Variants in AP4E1 observed in about 807,000 individuals in gnomAD.
AP4E1 encodes the protein AP-4 complex subunit epsilon-1.
Under a neutral mutation model 128.2 loss-of-function variants are expected in AP4E1, and 56 were observed. The observed-to-expected ratio is 0.44, with a 90% CI of 0.35 to 0.55. The LOEUF (loss-of-function observed/expected upper bound fraction) is 0.55, where lower values mean the gene tolerates loss of function less well. AP4E1 is among the 20% of genes least tolerant of loss of function. AP4E1 has a pLI of 0.00. For missense variants in AP4E1, 1,324 were observed against 1,307.7 expected (o/e 1.01, Z -0.19); for synonymous variants, 484 against 473.1 (o/e 1.02, Z -0.30).
intron 20 of AP4E1, among the ~76,000 whole-genome samples, chr15:51,001,510 C>T (rs1188039840): frequency 2.6e-5 from 4 of 152,168 alleles, no homozygotes; most frequent in East Asian, 1.9e-4. Context: ...ACACTAACTC[C>T]GCCTTTCCCC....
intron 3 of AP4E1, among the ~76,000 whole-genome samples, chr15:50,917,832 G>T (rs924501697): frequency 3.3e-5 from 5 of 152,222 alleles, no homozygotes; most frequent in Non-Finnish European, 7.3e-5. Context: ...GGGTACAGTG[G>T]CTCATGCGTG....
Position 51,003,453 on chromosome 15 carries a change from A to G in AP4E1, c.*791A>G, listed in dbSNP as rs185160842. Reference sequence around the variant, plus strand: ...CAAAAATGACTTTTTAGTTATGACAAATATTTTAGTTGGTTACTACTTAGG... The same window carrying G: ...CAAAAATGACTTTTTAGTTATGACAGATATTTTAGTTGGTTACTACTTAGG... On this transcript the variant is annotated 3_prime_UTR_variant, in exon 21 of 21. Transcript: ENST00000261842. 6.6e-6 allele frequency: 1 copy of G among 152,420 alleles called. No homozygotes were observed. The highest frequency in any genetic ancestry group is 6.5e-5 in the Admixed American group (1 of 15,302). 9.4% of individuals were successfully genotyped at this position (152,420 alleles called of 1,614,324 possible).
intron 8 of AP4E1, among the ~76,000 whole-genome samples, chr15:50,940,685 A>G (rs2063973604): frequency 6.6e-6 from 1 of 152,148 alleles, no homozygotes; most frequent in African/African-American, 2.4e-5. Context: ...ATTTTTCTTT[A>G]TCATGGCAAA....
chr15:50,908,705 G>A lies in AP4E1; in HGVS notation c.-74G>A. The A allele has an allele frequency of 2.2e-6, 3 of 1,391,322 alleles. No individual in the cohort carries two copies. Among genetic ancestry groups the A allele is most frequent in the Non-Finnish European group, 2.8e-6 (3 of 1,074,692 alleles). The allele number at this position is 1,391,322 out of a possible 1,614,324, so 86.2% of individuals were successfully genotyped here. A position where few individuals can be genotyped will look rare whatever the true frequency, so the allele number is the denominator to read the frequency against. ...GGAAGTGCCTACGGAGGCCGGGCCGGCAGCGGCGGCCGGGCATGAAGCCGG... is the reference window on the plus strand; with the variant it reads ...GGAAGTGCCTACGGAGGCCGGGCCGACAGCGGCGGCCGGGCATGAAGCCGG... On this transcript the variant is annotated 5_prime_UTR_variant, in exon 1 of 21. Transcript: ENST00000261842.
chr15:51,001,825 C>A (rs950770186), intron 20 of AP4E1, among the ~76,000 whole-genome samples: 1 of 151,970 alleles, frequency 6.6e-6, no homozygotes, highest in Middle Eastern at 3.2e-3. Flanking sequence ...GCTTTCAGTT[C>A]TTTATTTGGT....
intron 14 of AP4E1, among the ~76,000 whole-genome samples, chr15:50,960,522 A>T (rs987452948): frequency 6.6e-6 from 1 of 152,138 alleles, no homozygotes; most frequent in African/African-American, 2.4e-5. Context: ...TTTCTGAGTG[A>T]TGATTAGGTC....
In AP4E1 at chr15:50,911,586, G is replaced by A. The variant is rs543341996; in HGVS notation, c.151-492G>A. Among the ~76,000 whole-genome samples the A allele has an allele frequency of 6.0e-5, 9 of 150,056 alleles. No homozygotes were observed. The East Asian group carries it at 1.6e-3, about 26-fold the overall frequency. On this transcript the variant is annotated intron_variant, in intron 1 of 20. Coordinates refer to ENST00000261842, the MANE Select transcript of AP4E1 (RefSeq NM_007347.5). Reference sequence around the variant, plus strand: ...CAACATTCACTTCCCGGGTTCAAGCGATTCTCCTGCCCCTGCCTCAGCCTC... The same window carrying A: ...CAACATTCACTTCCCGGGTTCAAGCAATTCTCCTGCCCCTGCCTCAGCCTC...
chr15:50,964,845 G>A (rs1038909255), intron 14 of AP4E1, among the ~76,000 whole-genome samples: 12 of 151,892 alleles, frequency 7.9e-5, no homozygotes, highest in African/African-American at 2.9e-4. Context: ...GGGCCTGGTG[G>A]GAGTTGTTTG....
Position 50,958,567 on chromosome 15 carries a change from A to G in AP4E1, c.1624A>G (p.Met542Val), listed in dbSNP as rs542940704. The change falls in exon 14 of 21, where the codon ATG becomes GTG. Residue 542 changes from methionine to valine, a missense_variant. Coordinates refer to ENST00000261842, the MANE Select transcript of AP4E1 (RefSeq NM_007347.5). ...TATAGCTAAGCTCTACAAGTTACTT[A>G]TGAATGACTCTGTGTCTTCAGAAAC... is the stretch of plus-strand genomic sequence containing the variant. ...EVIAKLYKLL[M>V]NDSVSSETKA... 1.4e-4 allele frequency: 228 copies of G among 1,614,120 alleles called. 1 individual carries two copies. In the South Asian group the frequency reaches 1.8e-3, roughly 13 times the overall value.
chr15:50,988,295 ATTGT>A (rs996056709), intron 16 of AP4E1, among the ~76,000 whole-genome samples: 1 of 152,042 alleles, frequency 6.6e-6, no homozygotes, highest in Non-Finnish European at 1.5e-5. Context: ...TTGGCCCATT[ATTGT>A]TTATTATTTT....
At chr15:50,984,830 G>A (rs1303553713) in intron 16 of AP4E1, among the ~76,000 whole-genome samples, 1 of 152,036 alleles carries the variant, frequency 6.6e-6, no homozygotes, top group Non-Finnish European at 1.5e-5. Flanking sequence ...CCCAGTAATG[G>A]GATTGCTGGG....
Position 50,915,480 on chromosome 15 carries a change from AT to A in AP4E1, c.256del (p.Tyr86IlefsTer19). 6.2e-7 allele frequency: 1 copy of A among 1,613,430 alleles called. No homozygotes were observed. Among genetic ancestry groups the A allele is most frequent in the Non-Finnish European group, 8.5e-7 (1 of 1,179,552 alleles). ...TGAAGGAATGTATGGTGAGACTTAT[AT>A]ATTGTGAAATGCTTGGATATGATGC... Reference protein sequence around the residue: ...MMKECMVRLIYCEMLGYDASF... With the variant: ...MMKECMVRLIXCEMLGYDASF... On this transcript the variant is annotated frameshift_variant, in exon 3 of 21. Coordinates refer to ENST00000261842, the MANE Select transcript of AP4E1 (RefSeq NM_007347.5). LOFTEE classifies it high-confidence loss of function.
intron 2 of AP4E1, among the ~76,000 whole-genome samples, chr15:50,914,519 C>T (rs867438138): frequency 2.2e-4 from 33 of 151,912 alleles, no homozygotes; most frequent in African/African-American, 7.2e-4. Context: ...GGCGTGGTGG[C>T]GTGCACCTGT....
chr15:50,992,844 A>G (rs970792559), intron 16 of AP4E1, among the ~76,000 whole-genome samples: 7 of 152,236 alleles, frequency 4.6e-5, no homozygotes, highest in African/African-American at 1.7e-4. Context: ...ATTCAGGGCA[A>G]CTTGAATTTA....
intron 15 of AP4E1, among the ~76,000 whole-genome samples, chr15:50,979,981 A>C (rs1567252479): frequency 6.6e-6 from 1 of 152,228 alleles, no homozygotes; most frequent in Non-Finnish European, 1.5e-5. Flanking sequence ...AAGAATTTAA[A>C]GAAGCAGGCT....
chr15:50,960,794 A>G (rs912311704), intron 14 of AP4E1, among the ~76,000 whole-genome samples: 1 of 152,000 alleles, frequency 6.6e-6, no homozygotes, highest in Admixed American at 6.6e-5. Flanking sequence ...CCAGAAATAA[A>G]CAAAATGGAG....
intron 4 of AP4E1, 89 bp from the exon 5 acceptor site, chr15:50,925,009 T>C: frequency 6.9e-7 from 1 of 1,450,316 alleles, no homozygotes. Context: ...ACAAAATTAC[T>C]AAGTATATAG....
chr15:50,931,609 T>C (rs1430670169), intron 7 of AP4E1, among the ~76,000 whole-genome samples: 2 of 152,096 alleles, frequency 1.3e-5, no homozygotes, highest in East Asian at 3.8e-4. Context: ...TTTTAGGCTT[T>C]GTGGGCCATA....
intron 1 of AP4E1, among the ~76,000 whole-genome samples, chr15:50,910,143 C>T (rs1301375002): frequency 1.3e-5 from 2 of 152,178 alleles, no homozygotes; most frequent in East Asian, 1.9e-4. Flanking sequence ...TATGCCACTA[C>T]GCCCGGCTAA....
Sources: allele counts gnomAD v4.1 joint callset (sites outside exome capture counted in the v4.1 genomes callset), GRCh38; gene constraint gnomAD v4.1.1; transcripts MANE v1.5; gene names NCBI Gene and HGNC (gene_info 2026-07-23, HGNC 2026-07-21).